FARP2: variants seen among roughly 807,000 people sequenced by gnomAD.
FARP2 encodes FERM, ARHGEF and pleckstrin domain-containing protein 2.
In FARP2, 111 loss-of-function variants were observed where a neutral mutation model predicts 130.5. The ratio of observed to expected loss-of-function variants is 0.85; its 90% confidence interval spans 0.73 to 1.00. The LOEUF is 1.00. FARP2 is among the 50% of genes least tolerant of loss of function. FARP2 has a pLI of 0.00. For missense variants in FARP2, 1,385 were observed against 1,346.3 expected, an observed-to-expected ratio of 1.03 and a Z score of -0.45; for synonymous variants, 504 against 516.9, an observed-to-expected ratio of 0.98 and a Z score of 0.34.
Position 241,441,564 on chromosome 2 carries a change from G to A in FARP2, c.1411+8G>A. On this transcript the variant is annotated splice_region_variant and intron_variant, in intron 13 of 26. Coordinates refer to ENST00000264042, the MANE Select transcript of FARP2 (RefSeq NM_014808.4). The stretch of plus-strand genomic sequence containing the variant: ...CACTCCAGCCTGGTCCAGGTGTCGG[G>A]TTTTGTCATGTCGTGAGCAGCTGTG... 1 of 1,613,974 alleles carries A rather than the reference G, an allele frequency of 6.2e-7. No individual in the cohort carries two copies. Among genetic ancestry groups the A allele is most frequent in the South Asian group, 1.1e-5 (1 of 91,088 alleles).
intron 1 of FARP2, among the ~76,000 whole-genome samples, chr2:241,366,120 T>TATATATATATATATAC (rs1238134390): frequency 2.9e-4 from 13 of 44,278 alleles, no homozygotes; most frequent in Admixed American, 9.6e-4. Flanking sequence ...TATATATATA[T>TATATATATATATATAC]ACGTATATAT....
intron 4 of FARP2, chr2:241,405,473 T>C (rs562158483): frequency 6.6e-6 from 1 of 152,346 alleles, no homozygotes; most frequent in African/African-American, 2.4e-5. Context: ...GAGTCACCCA[T>C]AATTTTTTGT....
intron 2 of FARP2, among the ~76,000 whole-genome samples, chr2:241,402,091 A>G (rs529642269): frequency 3.9e-5 from 6 of 152,152 alleles, no homozygotes; most frequent in Non-Finnish European, 7.4e-5. Context: ...TGCCCGGCCT[A>G]TTTTACCAAT....
chr2:241,373,657 C>T (rs1270236872), intron 2 of FARP2, among the ~76,000 whole-genome samples: 1 of 152,198 alleles, frequency 6.6e-6, no homozygotes, highest in Non-Finnish European at 1.5e-5. Flanking sequence ...TGCCACTTAG[C>T]TTCCATGTGT....
intron 13 of FARP2, among the ~76,000 whole-genome samples, chr2:241,450,369 AAAAAC>A (rs758410437): frequency 2.0e-5 from 3 of 150,986 alleles, no homozygotes; most frequent in Admixed American, 6.6e-5. Flanking sequence ...TCTCAACCAA[AAAAAC>A]AAAACAAAAA....
chr2:241,417,937 A>G (rs1345932198), intron 7 of FARP2, 25 bp from the exon 8 acceptor site: 23 of 1,613,492 alleles, frequency 1.4e-5, no homozygotes, highest in Non-Finnish European at 1.6e-5. Context: ...TTTGTAGTGT[A>G]TGATTCTACC....
chr2:241,433,500 A>C (rs1445506775), intron 9 of FARP2, among the ~76,000 whole-genome samples: 1 of 149,310 alleles, frequency 6.7e-6, no homozygotes, highest in East Asian at 2.0e-4. Flanking sequence ...GATTTTAAAA[A>C]TATATACCAT....
At chr2:241,481,180 G>A (rs1413789315) in intron 19 of FARP2, among the ~76,000 whole-genome samples, 1 of 152,004 alleles carries the variant, frequency 6.6e-6, no homozygotes, top group East Asian at 1.9e-4. Flanking sequence ...AGTGAACCGT[G>A]ATCGTACCAC....
At chr2:241,474,746 C>T (rs572182803) in intron 18 of FARP2, among the ~76,000 whole-genome samples, 1 of 151,368 alleles carries the variant, frequency 6.6e-6, no homozygotes, top group African/African-American at 2.4e-5. Flanking sequence ...GAGCCAAGAT[C>T]GTGCCACTGC....
At chr2:241,483,968 C>CT in intron 20 of FARP2, 4 of 1,309,426 alleles carry the variant, frequency 3.1e-6, no homozygotes, top group Non-Finnish European at 3.9e-6. Flanking sequence ...GAGGAGGTAA[C>CT]TGAGTCAGCA....
intron 17 of FARP2, among the ~76,000 whole-genome samples, chr2:241,467,283 A>G (rs560357826): frequency 2.6e-5 from 4 of 152,266 alleles, no homozygotes; most frequent in African/African-American, 9.6e-5. Context: ...TTTAAGTTAG[A>G]GAATAGTTTA....
intron 4 of FARP2, among the ~76,000 whole-genome samples, chr2:241,406,397 A>G (rs1170296997): frequency 2.8e-5 from 4 of 144,940 alleles, no homozygotes; most frequent in Non-Finnish European, 5.9e-5. Context: ...GTGTGGGTAT[A>G]TATATGTCTG....
intron 7 of FARP2, among the ~76,000 whole-genome samples, chr2:241,413,788 C>A (rs1253652222): frequency 2.6e-5 from 4 of 152,008 alleles, no homozygotes; most frequent in Non-Finnish European, 1.5e-5. Context: ...ACTAAAAATA[C>A]AAAAAATTAG....
At chr2:241,453,104 C>G (rs1028888037) in intron 13 of FARP2, among the ~76,000 whole-genome samples, 2 of 150,914 alleles carry the variant, frequency 1.3e-5, no homozygotes, top group Non-Finnish European at 3.0e-5. Context: ...CCAAGGCGGG[C>G]GGATCACTTG....
At chr2:241,408,386 AAAG>A (rs990181976) in intron 5 of FARP2, among the ~76,000 whole-genome samples, 7 of 151,864 alleles carry the variant, frequency 4.6e-5, no homozygotes, top group African/African-American at 1.2e-4. Context: ...AAAAAAAAGA[AAAG>A]AAAATTATCC....
rs1559786201 is a variant in FARP2 at position 241,453,768 on chromosome 2, G to GTTTTTTTTTTTTTTTTTTTTTTTTTTT, written c.1412-2979_1412-2978insTTTTTTTTTTTTTTTTTTTTTTTTTTT. On this transcript the variant is annotated intron_variant, in intron 13 of 26. Coordinates refer to ENST00000264042, the MANE Select transcript of FARP2 (RefSeq NM_014808.4). ...TTGTTTACTGGGAGTGGCACTTACT[G>GTTTTTTTTTTTTTTTTTTTTTTTTTTT]GTTTTTTTTTTTTTTTTTTTTTTTT... 3.0e-5 allele frequency among the ~76,000 whole-genome samples: 3 copies of GTTTTTTTTTTTTTTTTTTTTTTTTTTT among 99,896 alleles called. 1 individual carries two copies. Among genetic ancestry groups the GTTTTTTTTTTTTTTTTTTTTTTTTTTT allele is most frequent in the Admixed American group, 1.3e-4 (1 of 7,826 alleles). 65.5% of individuals were successfully genotyped at this position (99,896 alleles called of 152,430 possible).
chr2:241,373,751 G>T (rs1183428592), intron 2 of FARP2, among the ~76,000 whole-genome samples: 2 of 152,198 alleles, frequency 1.3e-5, no homozygotes, highest in Non-Finnish European at 2.9e-5. Context: ...CAAACACACA[G>T]AGCCTGTCAT....
intron 21 of FARP2, among the ~76,000 whole-genome samples, chr2:241,484,950 C>T (rs2064714994): frequency 6.6e-6 from 1 of 152,132 alleles, no homozygotes; most frequent in Admixed American, 6.5e-5. Flanking sequence ...AAGGATGTGC[C>T]ATTCGTCCAG....
At chr2:241,406,099 C>T (rs7587941) in intron 4 of FARP2, among the ~76,000 whole-genome samples, 3,349 of 151,980 alleles carry the variant, frequency 0.022, 151 homozygotes, top group East Asian at 0.16. Context: ...GTCAGGAGAT[C>T]GAGACCATCC....
Sources: gnomAD v4.1 joint callset for allele counts (sites outside exome capture counted in the v4.1 genomes callset) on GRCh38, gnomAD v4.1.1 for gene constraint, MANE v1.5 for transcripts, NCBI Gene and HGNC (gene_info 2026-07-23, HGNC 2026-07-21) for gene names.